Variants in PDS5B observed in about 807,000 individuals in gnomAD.
PDS5B encodes the protein sister chromatid cohesion protein PDS5 homolog B.
A neutral mutation model predicts 184.1 loss-of-function variants in PDS5B; 51 were observed. That is an observed-to-expected ratio of 0.28 (90% confidence interval 0.22 to 0.35). PDS5B has a LOEUF of 0.35. PDS5B is among the 10% of genes least tolerant of loss of function. The pLI, the probability that PDS5B is intolerant of heterozygous loss-of-function variation, is 1.00. For missense variants in PDS5B, 1,180 were observed against 1,723.3 expected (o/e 0.68, Z 5.58); for synonymous variants, 566 against 569.2 (o/e 0.99, Z 0.08).
chr13:32,764,595 G>T lies in PDS5B; in HGVS notation c.3624+1G>T. On this transcript the variant is annotated splice_donor_variant, in intron 31 of 34. Transcript: ENST00000315596. LOFTEE classifies it high-confidence loss of function. The stretch of plus-strand genomic sequence containing the variant: ...GAGAGACGACTCTGATCTTGTAAGG[G>T]TGAGATATTTGCATTGATTTTATAA... 6.6e-7 allele frequency: 1 copy of T among 1,526,132 alleles called. No individual in the cohort carries two copies. The highest frequency in any genetic ancestry group is 9.0e-7 in the Non-Finnish European group (1 of 1,112,918). 94.5% of individuals were successfully genotyped at this position (1,526,132 alleles called of 1,614,324 possible). A position where few individuals can be genotyped will look rare whatever the true frequency, so the allele number is the denominator to read the frequency against.
At chr13:32,606,228 T>C (rs2058058000) in intron 1 of PDS5B, among the ~76,000 whole-genome samples, 1 of 152,264 alleles carries the variant, frequency 6.6e-6, no homozygotes, top group Non-Finnish European at 1.5e-5. Context: ...CCAGATTTAG[T>C]GCTTCCTTCA....
intron 24 of PDS5B, among the ~76,000 whole-genome samples, chr13:32,748,404 T>C (rs951312471): frequency 2.6e-5 from 4 of 152,108 alleles, no homozygotes; most frequent in Admixed American, 6.5e-5. Context: ...AACTGTCTTA[T>C]TTGGTTTCTG....
At chr13:32,616,756 A>G (rs780580942) in intron 1 of PDS5B, among the ~76,000 whole-genome samples, 72 of 152,314 alleles carry the variant, frequency 4.7e-4, no homozygotes, top group Non-Finnish European at 8.1e-4. Flanking sequence ...TTGAACTGCA[A>G]AATTTTGTTC....
At chr13:32,673,192 A>T (rs1258171226) in intron 7 of PDS5B, 24 bp from the exon 8 acceptor site, 2 of 1,599,266 alleles carry the variant, frequency 1.3e-6, no homozygotes, top group Admixed American at 3.4e-5. Flanking sequence ...TCTACTAATG[A>T]TAGGCTTTCT....
chr13:32,648,750 T>A lies in PDS5B; in HGVS notation c.-19-4T>A, dbSNP rs144824063. On this transcript the variant is annotated splice_polypyrimidine_tract_variant and splice_region_variant and intron_variant, in intron 1 of 34. Transcript: ENST00000315596. ...GTTTGCATCTAATAGTTTTCTTGTTTCAGGGGTAGAAATATTTCTGTCATG... is the reference window on the plus strand; with the variant it reads ...GTTTGCATCTAATAGTTTTCTTGTTACAGGGGTAGAAATATTTCTGTCATG... 189 of 1,057,082 alleles carry A rather than the reference T, an allele frequency of 1.8e-4. No individual in the cohort carries two copies. The African/African-American group carries it at 2.4e-3, about 14-fold the overall frequency. The allele number at this position is 1,057,082 out of a possible 1,614,324, so 65.5% of individuals were successfully genotyped here. A position where few individuals can be genotyped will look rare whatever the true frequency, so the allele number is the denominator to read the frequency against.
chr13:32,587,020 C>T (rs1339237524), intron 1 of PDS5B, among the ~76,000 whole-genome samples: 1 of 144,950 alleles, frequency 6.9e-6, no homozygotes, highest in African/African-American at 2.5e-5. Context: ...CGCCGCGCCC[C>T]TCCCCCCGCG....
chr13:32,669,611 T>C (rs1331445230), intron 7 of PDS5B, among the ~76,000 whole-genome samples: 1 of 152,208 alleles, frequency 6.6e-6, no homozygotes, highest in Admixed American at 6.5e-5. Context: ...TTATCACTTA[T>C]ACCTTGTGTT....
intron 1 of PDS5B, among the ~76,000 whole-genome samples, chr13:32,616,416 A>C (rs879644610): frequency 2.0e-5 from 3 of 151,948 alleles, no homozygotes; most frequent in Non-Finnish European, 4.4e-5. Context: ...TACTATGGAT[A>C]CTATTTTGCC....
chr13:32,680,139 C>G (rs1951197171), intron 10 of PDS5B, among the ~76,000 whole-genome samples: 1 of 152,046 alleles, frequency 6.6e-6, no homozygotes, highest in East Asian at 1.9e-4. Context: ...AGGCTTTCCT[C>G]AAATGATTGG....
chr13:32,604,534 C>T (rs2058030274), intron 1 of PDS5B, among the ~76,000 whole-genome samples: 1 of 152,060 alleles, frequency 6.6e-6, no homozygotes, highest in South Asian at 2.1e-4. Context: ...CTAAAATTCT[C>T]TTTTTTTGTT....
At position 32,696,835 on chromosome 13, in the gene PDS5B, T is replaced by G; in HGVS notation, c.1552-19T>G. 1 of 1,581,234 alleles carries G rather than the reference T, an allele frequency of 6.3e-7. No homozygotes were observed. Among genetic ancestry groups the G allele is most frequent in the Non-Finnish European group, 8.6e-7 (1 of 1,158,576 alleles). ...TTGTTAGGGAATTTTAATTTTGCAT[T>G]TTTTTGTGTGATTTACAGACAGATG... On this transcript the variant is annotated intron_variant, in intron 14 of 34. Coordinates refer to ENST00000315596, the MANE Select transcript of PDS5B (RefSeq NM_015032.4).
intron 19 of PDS5B, among the ~76,000 whole-genome samples, chr13:32,725,974 C>A (rs1039009624): frequency 6.6e-6 from 1 of 151,830 alleles, no homozygotes; most frequent in Non-Finnish European, 1.5e-5. Flanking sequence ...TGGATACATA[C>A]CCTTGTTCAT....
intron 19 of PDS5B, among the ~76,000 whole-genome samples, chr13:32,727,123 A>T (rs1389266378): frequency 1.3e-5 from 2 of 152,052 alleles, no homozygotes; most frequent in African/African-American, 4.8e-5. Context: ...TTCCTCTTCT[A>T]TTCTTTATGT....
chr13:32,705,863 C>T (rs915299778), intron 17 of PDS5B, among the ~76,000 whole-genome samples: 4 of 152,046 alleles, frequency 2.6e-5, no homozygotes, highest in Admixed American at 6.6e-5. Flanking sequence ...GACAGGGTCT[C>T]GTTATGTTGC....
chr13:32,597,935 T>G (rs2140475006), intron 1 of PDS5B, among the ~76,000 whole-genome samples: 1 of 152,000 alleles, frequency 6.6e-6, no homozygotes, highest in South Asian at 2.1e-4. Context: ...AACATCCTGG[T>G]CTTGTTGTGA....
chr13:32,593,433 T>C (rs1414497996), intron 1 of PDS5B, among the ~76,000 whole-genome samples: 1 of 152,154 alleles, frequency 6.6e-6, no homozygotes, highest in Non-Finnish European at 1.5e-5. Context: ...CTCTGCCTCA[T>C]GGGTTCAAGC....
intron 8 of PDS5B, 26 bp from the exon 9 acceptor site, chr13:32,675,818 A>G: frequency 7.2e-7 from 1 of 1,383,096 alleles, no homozygotes; most frequent in Non-Finnish European, 1.0e-6. Flanking sequence ...GCATGGTTTT[A>G]AAGCTGTGAT....
intron 24 of PDS5B, 145 bp downstream of exon 24, chr13:32,746,245 A>G (rs1239545569): frequency 1.5e-6 from 1 of 684,498 alleles, no homozygotes; most frequent in African/African-American, 1.8e-5. Flanking sequence ...AACATTTCAG[A>G]GTTCTGAAAC....
At chr13:32,760,543 A>G (rs770139003) in intron 29 of PDS5B, 32 bp from the exon 30 acceptor site, 17 of 1,604,974 alleles carry the variant, frequency 1.1e-5, no homozygotes, top group Non-Finnish European at 1.4e-5. Flanking sequence ...GGCTTTAACC[A>G]AATAAAAAGA....
Sources: gnomAD v4.1 joint callset for allele counts (sites outside exome capture counted in the v4.1 genomes callset) on GRCh38, gnomAD v4.1.1 for gene constraint, MANE v1.5 for transcripts, NCBI Gene and HGNC (gene_info 2026-07-23, HGNC 2026-07-21) for gene names.